The following FRYL variants were observed in gnomAD, a reference collection of about 807,000 sequenced individuals.
The protein encoded by FRYL is FRY like transcription coactivator.
FRYL carries 150 observed loss-of-function variants against 351.2 expected under a neutral mutation model. The observed-to-expected ratio is 0.43, with a 90% CI of 0.37 to 0.49. The LOEUF is 0.49. Ranked by LOEUF, FRYL falls within the 20% of genes least tolerant of loss-of-function variation. The pLI is 0.00. For missense variants in FRYL, 3,036 were observed against 3,619.3 expected (o/e 0.84, Z 4.13); for synonymous variants, 1,153 against 1,257.1 (o/e 0.92, Z 1.75).
At chr4:48,544,057 T>G in intron 43 of FRYL, 60 bp from the exon 44 acceptor site, 2 of 1,404,808 alleles carry the variant, frequency 1.4e-6, no homozygotes, top group Non-Finnish European at 2.0e-6. Context: ...AATGGGGTTA[T>G]AATCAGAAGT....
chr4:48,620,065 C>T (rs1023824598), intron 6 of FRYL, among the ~76,000 whole-genome samples: 7 of 152,152 alleles, frequency 4.6e-5, no homozygotes, highest in Non-Finnish European at 1.0e-4. Context: ...ATCCTTCTCA[C>T]AAATTTAAGT....
intron 7 of FRYL, among the ~76,000 whole-genome samples, chr4:48,614,992 A>G (rs942335382): frequency 2.0e-5 from 3 of 151,686 alleles, no homozygotes; most frequent in Non-Finnish European, 4.4e-5. Flanking sequence ...ACGCCCGGCT[A>G]ATTTTTTGTA....
At chr4:48,733,692 T>C (rs1222645480) in intron 1 of FRYL, among the ~76,000 whole-genome samples, 1 of 152,130 alleles carries the variant, frequency 6.6e-6, no homozygotes. Context: ...TATGTAGAAG[T>C]GACATGTATC....
intron 3 of FRYL, among the ~76,000 whole-genome samples, chr4:48,638,828 ACAT>A (rs1754777389): frequency 6.6e-6 from 1 of 152,056 alleles, no homozygotes; most frequent in Non-Finnish European, 1.5e-5. Context: ...AGGCTGGAAA[ACAT>A]CATTCTCAGC....
chr4:48,716,492 G>T (rs746499314), intron 1 of FRYL, among the ~76,000 whole-genome samples: 1 of 151,634 alleles, frequency 6.6e-6, no homozygotes, highest in Admixed American at 6.6e-5. Flanking sequence ...TCTCAAAAGA[G>T]GACATTTATG....
At chr4:48,582,118 G>C (rs566668083) in intron 20 of FRYL, among the ~76,000 whole-genome samples, 9 of 152,276 alleles carry the variant, frequency 5.9e-5, no homozygotes, top group African/African-American at 2.2e-4. Flanking sequence ...TTATGGTTAA[G>C]GAGCACAGTT....
intron 35 of FRYL, among the ~76,000 whole-genome samples, chr4:48,555,529 A>AATTC (rs1733881421): frequency 6.6e-6 from 1 of 152,196 alleles, no homozygotes; most frequent in Non-Finnish European, 1.5e-5. Context: ...CTGCCACCTG[A>AATTC]AGGAGGACCT....
intron 24 of FRYL, 23 bp from the exon 25 acceptor site, chr4:48,575,264 G>C (rs1405932315): frequency 6.2e-7 from 1 of 1,610,390 alleles, no homozygotes; most frequent in Non-Finnish European, 8.5e-7. Context: ...TATCGTATTT[G>C]TAACAGCCAC....
chr4:48,525,827 G>C (rs1357968836), intron 53 of FRYL, among the ~76,000 whole-genome samples: 1 of 151,500 alleles, frequency 6.6e-6, no homozygotes, highest in Non-Finnish European at 1.5e-5. Flanking sequence ...TATATGAGTA[G>C]TATATGTACA....
intron 2 of FRYL, among the ~76,000 whole-genome samples, chr4:48,702,541 CG>C: frequency 7.1e-6 from 1 of 140,994 alleles, no homozygotes; most frequent in South Asian, 2.3e-4. Context: ...TTTGGGAGGC[CG>C]AGGCAGGCGG....
chr4:48,679,029 A>G (rs1443769375), intron 3 of FRYL, among the ~76,000 whole-genome samples: 1 of 152,212 alleles, frequency 6.6e-6, no homozygotes, highest in Non-Finnish European at 1.5e-5. Flanking sequence ...ACCAAGTCCA[A>G]TTATGTAGGC....
At chr4:48,507,948 T>G (rs1235505529) in intron 59 of FRYL, among the ~76,000 whole-genome samples, 12 of 152,068 alleles carry the variant, frequency 7.9e-5, no homozygotes, top group African/African-American at 2.9e-4. Context: ...GAAAAATAAT[T>G]CAATTCACCT....
At chr4:48,535,940 A>T in intron 47 of FRYL, 113 bp from the exon 48 acceptor site, 3 of 852,372 alleles carry the variant, frequency 3.5e-6, no homozygotes, top group Middle Eastern at 2.8e-4. Flanking sequence ...ATTGGTTTTA[A>T]TGCATTTTAC....
intron 1 of FRYL, among the ~76,000 whole-genome samples, chr4:48,778,171 T>C (rs1025858392): frequency 2.0e-5 from 3 of 152,204 alleles, no homozygotes; most frequent in Admixed American, 6.5e-5. Flanking sequence ...GTGAGAAGAA[T>C]AGATTTTTAT....
intron 1 of FRYL, among the ~76,000 whole-genome samples, chr4:48,724,399 C>G (rs1769847387): frequency 1.3e-5 from 2 of 152,162 alleles, no homozygotes; most frequent in South Asian, 4.1e-4. Flanking sequence ...TTGCTCCCTC[C>G]CTTTGTTCAG....
At chr4:48,546,603 A>G (rs1560577453) in intron 41 of FRYL, 5 of 242,900 alleles carry the variant, frequency 2.1e-5, no homozygotes, top group African/African-American at 8.9e-5. Context: ...CATTTCTATA[A>G]TATGAACTGA....
chr4:48,697,586 T>G (rs965039991), intron 2 of FRYL, among the ~76,000 whole-genome samples: 3 of 152,100 alleles, frequency 2.0e-5, no homozygotes, highest in Non-Finnish European at 2.9e-5. Context: ...TTCAAGCAAT[T>G]CTCCTGCCTC....
At chr4:48,675,134 G>A (rs1400526418) in intron 3 of FRYL, among the ~76,000 whole-genome samples, 1 of 152,128 alleles carries the variant, frequency 6.6e-6, no homozygotes, top group African/African-American at 2.4e-5. Context: ...TGCAAGCTGC[G>A]CCTCCCGGGT....
intron 26 of FRYL, among the ~76,000 whole-genome samples, chr4:48,571,208 G>C (rs1738242369): frequency 6.6e-6 from 1 of 152,158 alleles, no homozygotes; most frequent in African/African-American, 2.4e-5. Flanking sequence ...TTTTGGAATT[G>C]AAGCAATTAG....
Sources: allele counts gnomAD v4.1 joint callset (sites outside exome capture counted in the v4.1 genomes callset), GRCh38; gene constraint gnomAD v4.1.1; transcripts MANE v1.5; gene names NCBI Gene and HGNC (gene_info 2026-07-23, HGNC 2026-07-21).